NAA25: variants seen among roughly 807,000 people sequenced by gnomAD.
The protein encoded by NAA25 is N-alpha-acetyltransferase 25, NatB auxiliary subunit, also known as N-terminal acetyltransferase B complex subunit NAA25.
NAA25 carries 30 observed loss-of-function variants against 132.5 expected under a neutral mutation model. The ratio of observed to expected loss-of-function variants is 0.23; its 90% CI spans 0.17 to 0.31. NAA25 has a LOEUF of 0.31. Ranked by LOEUF, NAA25 falls within the 10% of genes least tolerant of loss-of-function variation. NAA25 has a pLI of 1.00. For synonymous variants in NAA25, 359 were observed against 401.9 expected (o/e 0.89, Z 1.28); for missense variants, 771 against 1,150.4 (o/e 0.67, Z 4.77).
chr12:112,106,950 G>A (rs2079369425), intron 1 of NAA25, among the ~76,000 whole-genome samples: 1 of 90,504 alleles, frequency 1.1e-5, no homozygotes, highest in African/African-American at 4.6e-5. Context: ...GAATGAGACT[G>A]TCTCCAAAAA....
At chr12:112,056,736 G>A (rs936740668) in intron 13 of NAA25, among the ~76,000 whole-genome samples, 1 of 152,134 alleles carries the variant, frequency 6.6e-6, no homozygotes, top group African/African-American at 2.4e-5. Flanking sequence ...CCCTATCACT[G>A]ACTTCAAGAA....
intron 1 of NAA25, among the ~76,000 whole-genome samples, chr12:112,097,994 G>A (rs1251065028): frequency 2.6e-5 from 4 of 151,666 alleles, no homozygotes; most frequent in Non-Finnish European, 4.4e-5. Context: ...GGTGGCGCAC[G>A]CCTGTAATCC....
chr12:112,055,790 G>A (rs1383565128), intron 13 of NAA25, among the ~76,000 whole-genome samples: 1 of 151,868 alleles, frequency 6.6e-6, no homozygotes, highest in African/African-American at 2.4e-5. Flanking sequence ...GAGATTTTAA[G>A]TAAACTACTT....
intron 4 of NAA25, among the ~76,000 whole-genome samples, chr12:112,085,771 G>A (rs1194547734): frequency 6.6e-6 from 1 of 151,532 alleles, no homozygotes; most frequent in Non-Finnish European, 1.5e-5. Context: ...TGTAATCCCA[G>A]CATTTTGGGA....
chr12:112,041,160 A>G (rs2078296127), intron 20 of NAA25, among the ~76,000 whole-genome samples: 2 of 151,732 alleles, frequency 1.3e-5, no homozygotes, highest in Admixed American at 1.3e-4. Flanking sequence ...TTGGGGGGAA[A>G]AAAAAAATCA....
In NAA25 at chr12:112,029,221, C is replaced by A. The variant is rs1204855673; in HGVS notation, c.*310G>T. 2.3e-5 allele frequency: 7 copies of A among 298,884 alleles called. No homozygotes were observed. Among genetic ancestry groups the A allele is most frequent in the Non-Finnish European group, 4.4e-5 (7 of 158,984 alleles). 18.5% of individuals were successfully genotyped at this position (298,884 alleles called of 1,614,324 possible). ...ATTTCTATTGCTGTTTTTATAGACC[C>A]CCCGCTCCCCTGAAAAGATGTTTCT... On this transcript the variant is annotated 3_prime_UTR_variant, in exon 24 of 24. Coordinates refer to ENST00000261745, the MANE Select transcript of NAA25 (RefSeq NM_024953.4).
chr12:112,078,216 G>A lies in NAA25; in HGVS notation c.636C>T (p.Ala212=). The change falls in exon 7 of 24, where the codon GCC becomes GCT. Residue 212 remains alanine (A), a synonymous_variant. Coordinates refer to ENST00000261745, the MANE Select transcript of NAA25 (RefSeq NM_024953.4). The part of the protein sequence containing the change: ...ILERLGKYQE[A]LDVIRGKLGE... ...CTAATTTCCCTCTGATGACATCCAA[G>A]GCCTCCTGGTACTTTCCCAAACGTT... The A allele has an allele frequency of 6.2e-7, 1 of 1,607,476 alleles. No homozygotes were observed. The highest frequency in any genetic ancestry group is 8.5e-7 in the Non-Finnish European group (1 of 1,177,848).
Position 112,074,772 on chromosome 12 carries a change from C to A in NAA25, c.777-8G>T. Reference sequence around the variant, plus strand: ...AACTGCCAGTCATCTGAGCTAAAATCAGATTGAATGATGCACACAGGATTA... The same window carrying A: ...AACTGCCAGTCATCTGAGCTAAAATAAGATTGAATGATGCACACAGGATTA... On this transcript the variant is annotated splice_region_variant and splice_polypyrimidine_tract_variant and intron_variant, in intron 8 of 23. Transcript: ENST00000261745. 6.3e-7 allele frequency: 1 copy of A among 1,589,020 alleles called. No individual in the cohort carries two copies. The highest frequency in any genetic ancestry group is 1.1e-5 in the South Asian group (1 of 88,868).
chr12:112,088,423 C>T (rs979436638), intron 3 of NAA25, among the ~76,000 whole-genome samples: 1 of 143,574 alleles, frequency 7.0e-6, no homozygotes, highest in African/African-American at 2.6e-5. Context: ...ACCTTTCAAG[C>T]TCAGGTAATT....
In NAA25 at chr12:112,029,495, G is replaced by A. The variant is rs774499968; in HGVS notation, c.*36C>T. 1 of 1,613,296 alleles carries A rather than the reference G, an allele frequency of 6.2e-7. No individual in the cohort carries two copies. The highest frequency in any genetic ancestry group is 8.5e-7 in the Non-Finnish European group (1 of 1,179,612). ...GCCTGGGAAGATGGTGTCATATTCT[G>A]TTGCAGAGTCATCAGTGCCCATGAT... On this transcript the variant is annotated 3_prime_UTR_variant, in exon 24 of 24. Transcript: ENST00000261745.
At chr12:112,073,382 A>G (rs757738257) in intron 9 of NAA25, among the ~76,000 whole-genome samples, 1 of 152,210 alleles carries the variant, frequency 6.6e-6, no homozygotes, top group Non-Finnish European at 1.5e-5. Flanking sequence ...AGCAAGCATC[A>G]GCTCATAACT....
intron 3 of NAA25, chr12:112,090,500 T>C: frequency 2.5e-6 from 1 of 406,326 alleles, no homozygotes; most frequent in Non-Finnish European, 4.3e-6. Flanking sequence ...ATTTAGCAGA[T>C]CAAAATATCA....
In NAA25 at chr12:112,078,278, A is replaced by C; in HGVS notation, c.586-12T>G. On this transcript the variant is annotated splice_polypyrimidine_tract_variant and intron_variant, in intron 6 of 23. Transcript: ENST00000261745. ...TAATAAAGTTCAACCTTACAGAAAA[A>C]AAACAAGAAGTGCAACCTCTGAAAC... The C allele has an allele frequency of 6.3e-7, 1 of 1,585,352 alleles. No individual in the cohort carries two copies. The highest frequency in any genetic ancestry group is 8.6e-7 in the Non-Finnish European group (1 of 1,166,480).
intron 4 of NAA25, among the ~76,000 whole-genome samples, chr12:112,085,147 T>C (rs1358339328): frequency 6.6e-6 from 1 of 152,078 alleles, no homozygotes; most frequent in Non-Finnish European, 1.5e-5. Flanking sequence ...GGAGAATCGC[T>C]TGAACCCAGG....
At position 112,088,957 on chromosome 12, in the gene NAA25, C is replaced by A. The variant is rs185152497; in HGVS notation, c.284-1156G>T. Among the ~76,000 whole-genome samples the A allele has an allele frequency of 1.0e-3, 158 of 152,098 alleles. No homozygotes were observed. The Middle Eastern group carries it at 0.044, about 43-fold the overall frequency. ...TTTATCTTTGACTCTGATAGAATAC[C>A]AGTCATAGAGAAACATGCCACCAAT... On this transcript the variant is annotated intron_variant, in intron 3 of 23. Coordinates refer to ENST00000261745, the MANE Select transcript of NAA25 (RefSeq NM_024953.4).
At chr12:112,100,454 C>T (rs988468120) in intron 1 of NAA25, among the ~76,000 whole-genome samples, 1 of 152,038 alleles carries the variant, frequency 6.6e-6, no homozygotes, top group Non-Finnish European at 1.5e-5. Flanking sequence ...AGCCACCACA[C>T]CTGGCCTTGC....
In NAA25 at chr12:112,086,073, T is replaced by TATATAC. The variant is rs759148501; in HGVS notation, c.402+1609_402+1610insGTATAT. ...AAAAATATATATATATATATATATA[T>TATATAC]ACACACACACACACACACACACACA... On this transcript the variant is annotated intron_variant, in intron 4 of 23. Coordinates refer to ENST00000261745, the MANE Select transcript of NAA25 (RefSeq NM_024953.4). 9.3e-3 allele frequency among the ~76,000 whole-genome samples: 500 copies of TATATAC among 53,864 alleles called. 4 individuals carry two copies. The highest frequency in any genetic ancestry group is 0.025 in the East Asian group (11 of 436). The allele number at this position is 53,864 out of a possible 152,430, so 35.3% of individuals were successfully genotyped here.
chr12:112,096,697 T>C (rs762587445), intron 1 of NAA25, among the ~76,000 whole-genome samples: 1 of 152,226 alleles, frequency 6.6e-6, no homozygotes, highest in East Asian at 1.9e-4. Flanking sequence ...TTAGCTGAAC[T>C]GACAGGCCAT....
chr12:112,078,213 C>T lies in NAA25; in HGVS notation c.639G>A (p.Leu213=). 1 of 1,607,660 alleles carries T rather than the reference C, an allele frequency of 6.2e-7. No individual in the cohort carries two copies. The highest frequency in any genetic ancestry group is 1.1e-5 in the South Asian group (1 of 89,128). Residue 213 remains leucine (L), a synonymous_variant, in exon 7 of 24, where the codon TTG becomes TTA. Transcript: ENST00000261745. ...CTCCTAATTTCCCTCTGATGACATC[C>T]AAGGCCTCCTGGTACTTTCCCAAAC... ...LERLGKYQEA[L]DVIRGKLGEK...
Sources: gnomAD v4.1 joint callset for allele counts (sites outside exome capture counted in the v4.1 genomes callset) on GRCh38, gnomAD v4.1.1 for gene constraint, MANE v1.5 for transcripts, NCBI Gene and HGNC (gene_info 2026-07-23, HGNC 2026-07-21) for gene names.